IL1RAP: variants seen among roughly 807,000 people sequenced by gnomAD.
The protein encoded by IL1RAP is interleukin-1 receptor accessory protein.
A neutral mutation model predicts 60.7 loss-of-function variants in IL1RAP; 35 were observed. That is an observed-to-expected ratio of 0.58 (90% CI 0.44 to 0.76). The LOEUF (loss-of-function observed/expected upper bound fraction) is 0.76. IL1RAP is among the 30% of genes least tolerant of loss of function. IL1RAP has a pLI of 0.00. For missense variants in IL1RAP, 572 were observed against 693.9 expected (o/e 0.82, Z 1.97); for synonymous variants, 268 against 250.9 (o/e 1.07, Z -0.64).
chr3:190,561,488 A>G (rs114581819), intron 2 of IL1RAP, among the ~76,000 whole-genome samples: 1,710 of 152,314 alleles, frequency 0.011, 38 homozygotes, highest in African/African-American at 0.039. Context: ...TGCCTTCAGC[A>G]TAATCCAGTT....
chr3:190,649,902 A>G lies in IL1RAP; in HGVS notation c.*1197A>G. The G allele has an allele frequency of 3.1e-6, 3 of 976,350 alleles. No individual in the cohort carries two copies. The South Asian group carries it at 1.4e-4, about 46-fold the overall frequency. The allele number at this position is 976,350 out of a possible 1,614,324, so 60.5% of individuals were successfully genotyped here. A position where few individuals can be genotyped will look rare whatever the true frequency, so the allele number is the denominator to read the frequency against. On this transcript the variant is annotated 3_prime_UTR_variant, in exon 12 of 12. Coordinates refer to ENST00000447382, the MANE Select transcript of IL1RAP (RefSeq NM_002182.4). ...TTGGAAAACTAAGTGCAGAGTTTAC[A>G]GAGTGGTAAATATCTATGTTACATG...
intron 3 of IL1RAP, among the ~76,000 whole-genome samples, chr3:190,567,883 G>T (rs879658518): frequency 2.6e-5 from 4 of 152,106 alleles, no homozygotes; most frequent in Admixed American, 6.5e-5. Flanking sequence ...CTGTTTGTAA[G>T]ACTTCGAAAT....
chr3:190,525,327 G>A (rs1248944216), intron 1 of IL1RAP, among the ~76,000 whole-genome samples: 1 of 152,210 alleles, frequency 6.6e-6, no homozygotes, highest in Non-Finnish European at 1.5e-5. Flanking sequence ...TAAGACAAAA[G>A]CCTGAGAAGG....
At chr3:190,630,607 G>A (rs1484212654) in intron 9 of IL1RAP, among the ~76,000 whole-genome samples, 2 of 152,212 alleles carry the variant, frequency 1.3e-5, no homozygotes, top group Non-Finnish European at 2.9e-5. Flanking sequence ...TGTATATGCT[G>A]CGTATGAAGT....
intron 1 of IL1RAP, among the ~76,000 whole-genome samples, chr3:190,548,196 T>G (rs1348392749): frequency 2.0e-5 from 3 of 152,166 alleles, no homozygotes; most frequent in Non-Finnish European, 2.9e-5. Context: ...TGGCATCTGT[T>G]TGAACCAACC....
chr3:190,625,235 G>T (rs1732147493), intron 7 of IL1RAP: 1 of 152,132 alleles, frequency 6.6e-6, no homozygotes, highest in African/African-American at 2.4e-5. Flanking sequence ...AGTTCCTCTT[G>T]CCAATAAGCA....
At chr3:190,584,756 T>C (rs1208290594) in intron 3 of IL1RAP, among the ~76,000 whole-genome samples, 4 of 152,234 alleles carry the variant, frequency 2.6e-5, no homozygotes, top group African/African-American at 4.8e-5. Flanking sequence ...GAGTTCTTCA[T>C]TGAATAGCTG....
intron 1 of IL1RAP, among the ~76,000 whole-genome samples, chr3:190,551,304 G>C (rs1187836997): frequency 1.3e-5 from 2 of 152,172 alleles, no homozygotes; most frequent in Admixed American, 1.3e-4. Context: ...AAAACAAACA[G>C]TTTCTGCAAT....
At chr3:190,517,042 C>T (rs992369595) in intron 1 of IL1RAP, among the ~76,000 whole-genome samples, 1 of 152,164 alleles carries the variant, frequency 6.6e-6, no homozygotes, top group Non-Finnish European at 1.5e-5. Flanking sequence ...CCTTATTTGT[C>T]TGGTTATTTC....
At chr3:190,520,916 A>G (rs964980708) in intron 1 of IL1RAP, among the ~76,000 whole-genome samples, 1 of 152,210 alleles carries the variant, frequency 6.6e-6, no homozygotes, top group African/African-American at 2.4e-5. Context: ...GTTAGATGCT[A>G]TGGCAACTTA....
intron 3 of IL1RAP, among the ~76,000 whole-genome samples, chr3:190,595,407 A>C (rs1577685443): frequency 6.6e-6 from 1 of 152,166 alleles, no homozygotes; most frequent in East Asian, 1.9e-4. Flanking sequence ...CTCACACTTA[A>C]ACATATTGAT....
At chr3:190,550,989 T>TTGG (rs1724812642) in intron 1 of IL1RAP, among the ~76,000 whole-genome samples, 1 of 152,236 alleles carries the variant, frequency 6.6e-6, no homozygotes, top group Admixed American at 6.5e-5. Context: ...TAGATTGGTT[T>TTGG]TGGTGGAACT....
At chr3:190,638,803 C>T (rs1216122215) in intron 9 of IL1RAP, among the ~76,000 whole-genome samples, 1 of 152,000 alleles carries the variant, frequency 6.6e-6, no homozygotes, top group African/African-American at 2.4e-5. Flanking sequence ...CCAGTTGTTC[C>T]AGCACAATTA....
chr3:190,594,311 G>T (rs766411586), intron 3 of IL1RAP, among the ~76,000 whole-genome samples: 2 of 152,166 alleles, frequency 1.3e-5, no homozygotes, highest in Non-Finnish European at 1.5e-5. Flanking sequence ...AAAATGTAGA[G>T]GTGGAAAGTT....
chr3:190,562,765 A>G (rs564050999), intron 2 of IL1RAP, among the ~76,000 whole-genome samples: 16 of 151,962 alleles, frequency 1.1e-4, no homozygotes, highest in African/African-American at 3.9e-4. Context: ...ACACACACAA[A>G]CTAAAAAATT....
rs755465369 is a variant in IL1RAP at position 190,595,636 on chromosome 3, T to C, written c.65-8492T>C. ...TAGCCTCAGGCTTAGATAGGACTAC[T>C]AGCACACGCAGATGGGACAGTTTCT... On this transcript the variant is annotated intron_variant, in intron 3 of 11. Transcript: ENST00000447382. Among the ~76,000 whole-genome samples the C allele has an allele frequency of 5.9e-5, 9 of 152,318 alleles. No individual in the cohort carries two copies. In the East Asian group the frequency reaches 1.5e-3, roughly 26 times the overall value.
At chr3:190,634,253 A>G (rs1733012358) in intron 9 of IL1RAP, among the ~76,000 whole-genome samples, 1 of 150,424 alleles carries the variant, frequency 6.6e-6, no homozygotes, top group African/African-American at 2.4e-5. Flanking sequence ...TGATTTACTA[A>G]TATTTTGTCA....
At position 190,604,139 on chromosome 3, in the gene IL1RAP, G is replaced by T; in HGVS notation, c.76G>T (p.Asp26Tyr). Reference protein sequence around the residue: ...LQSDASERCDDWGLDTMRQIQ... With the variant: ...LQSDASERCDYWGLDTMRQIQ... ...TTTGATTATTCCAGAACGCTGCGAT[G>T]ACTGGGGACTAGACACCATGAGGCA... The change falls in exon 4 of 12, where the codon GAC (aspartate) becomes TAC (tyrosine). Residue 26 changes from aspartate to tyrosine, a missense_variant. Transcript: ENST00000447382. 1.2e-6 allele frequency: 2 copies of T among 1,613,716 alleles called. No homozygotes were observed. The highest frequency in any genetic ancestry group is 2.2e-5 in the South Asian group (2 of 91,024).
At chr3:190,582,187 CCTTT>C (rs1728053139) in intron 3 of IL1RAP, among the ~76,000 whole-genome samples, 2 of 152,158 alleles carry the variant, frequency 1.3e-5, no homozygotes, top group South Asian at 2.1e-4. Flanking sequence ...AAACAAGTTT[CCTTT>C]CTATTTCTTT....
Sources: allele counts gnomAD v4.1 joint callset (sites outside exome capture counted in the v4.1 genomes callset), GRCh38; gene constraint gnomAD v4.1.1; transcripts MANE v1.5; gene names NCBI Gene and HGNC (gene_info 2026-07-23, HGNC 2026-07-21).